PLBD1: variants seen among roughly 807,000 people sequenced by gnomAD.
The protein encoded by PLBD1 is lysosomal leucine aminopeptidase.
Under a neutral mutation model 63.0 loss-of-function variants are expected in PLBD1, and 60 were observed. That is an observed-to-expected ratio of 0.95 (90% CI 0.77 to 1.18). The LOEUF is 1.18. PLBD1 is among the 50% of genes most tolerant of loss of function. The probability of loss-of-function intolerance (pLI) is 0.00; values close to 1 mark genes in which losing one functional copy is unlikely to be tolerated. For synonymous variants in PLBD1, 262 were observed against 248.0 expected, an observed-to-expected ratio of 1.06 and a Z score of -0.53; for missense variants, 598 against 677.9, an observed-to-expected ratio of 0.88 and a Z score of 1.31.
Position 14,511,296 on chromosome 12 carries a change from CA to C in PLBD1, c.1149del (p.Tyr383Ter). Reference protein sequence around the residue: ...TLYIVEQIPTYVEYSEQTDVL... With the variant: ...TLYIVEQIPTXVEYSEQTDVL... ...ACATCAGTTTGTTCAGAATATTCTA[CA>C]TATGTAGGAATTTGCTCCACAATGT... On this transcript the variant is annotated frameshift_variant, in exon 8 of 11. Transcript: ENST00000240617. LOFTEE classifies it high-confidence loss of function. 6.2e-7 allele frequency: 1 copy of C among 1,605,700 alleles called. No individual in the cohort carries two copies. Among genetic ancestry groups the C allele is most frequent in the South Asian group, 1.1e-5 (1 of 89,312 alleles).
intron 6 of PLBD1, among the ~76,000 whole-genome samples, chr12:14,519,573 C>A (rs1267602202): frequency 6.7e-6 from 1 of 149,320 alleles, no homozygotes; most frequent in Non-Finnish European, 1.5e-5. Flanking sequence ...GAGCTGAGAT[C>A]GCACCACTGC....
At chr12:14,538,329 G>A (rs543426028) in intron 4 of PLBD1, among the ~76,000 whole-genome samples, 10 of 84,822 alleles carry the variant, frequency 1.2e-4, no homozygotes, top group African/African-American at 4.0e-4. Context: ...AAATAGCTGG[G>A]ATTACAGGTG....
At chr12:14,514,585 G>A (rs1055930034) in intron 6 of PLBD1, among the ~76,000 whole-genome samples, 4 of 152,202 alleles carry the variant, frequency 2.6e-5, no homozygotes, top group Non-Finnish European at 2.9e-5. Context: ...AGCAAGGAGA[G>A]TGAACTGGCC....
At chr12:14,510,039 C>A (rs936986887) in intron 8 of PLBD1, among the ~76,000 whole-genome samples, 3 of 152,142 alleles carry the variant, frequency 2.0e-5, no homozygotes, top group African/African-American at 7.2e-5. Flanking sequence ...ACATTACAGT[C>A]TCTTTGGGAA....
chr12:14,526,117 T>G (rs1002323158), intron 6 of PLBD1, among the ~76,000 whole-genome samples: 2 of 152,086 alleles, frequency 1.3e-5, no homozygotes, highest in Admixed American at 1.3e-4. Context: ...ATGAACTAAA[T>G]AGTGAAATGG....
chr12:14,565,627 C>T (rs1482669644), intron 1 of PLBD1, among the ~76,000 whole-genome samples: 1 of 152,130 alleles, frequency 6.6e-6, no homozygotes, highest in Non-Finnish European at 1.5e-5. Context: ...GAGCTGGGTA[C>T]TTCAGAGAAC....
intron 2 of PLBD1, among the ~76,000 whole-genome samples, chr12:14,546,402 C>G (rs947547873): frequency 1.3e-5 from 2 of 151,950 alleles, no homozygotes; most frequent in African/African-American, 4.8e-5. Context: ...GGGCTCTTCA[C>G]TTACAATGCT....
chr12:14,563,472 C>G (rs1427493420), intron 1 of PLBD1, among the ~76,000 whole-genome samples: 2 of 152,044 alleles, frequency 1.3e-5, no homozygotes, highest in Admixed American at 6.6e-5. Context: ...GAGCCAAGAT[C>G]GCGCCTTTGC....
intron 1 of PLBD1, among the ~76,000 whole-genome samples, chr12:14,560,942 A>G (rs1363971748): frequency 1.3e-5 from 2 of 151,956 alleles, no homozygotes; most frequent in African/African-American, 4.8e-5. Context: ...CTGCTCCCAT[A>G]CTACAAAGGT....
Position 14,509,086 on chromosome 12 carries a change from CAGTAAAATGGCAACA to C in PLBD1, c.1187-1983_1187-1969del, listed in dbSNP as rs1945277125. Among the ~76,000 whole-genome samples the C allele has an allele frequency of 2.6e-5, 4 of 151,744 alleles. No individual in the cohort carries two copies. In the South Asian group the frequency reaches 8.4e-4, roughly 32 times the overall value. On this transcript the variant is annotated intron_variant, in intron 8 of 10. Coordinates refer to ENST00000240617, the MANE Select transcript of PLBD1 (RefSeq NM_024829.6). The stretch of plus-strand genomic sequence containing the variant: ...TTCTTTCTGAGCTTTTCTTTACTCA[CAGTAAAATGGCAACA>C]ATAACACTTATGGGGTAGTATGTTA...
chr12:14,551,101 A>C (rs1166815358), intron 2 of PLBD1, among the ~76,000 whole-genome samples: 1 of 151,974 alleles, frequency 6.6e-6, no homozygotes, highest in African/African-American at 2.4e-5. Context: ...GTGGTGGTTC[A>C]TGCCTGTAAT....
intron 6 of PLBD1, among the ~76,000 whole-genome samples, chr12:14,518,880 A>C (rs1945354809): frequency 6.6e-6 from 1 of 152,068 alleles, no homozygotes; most frequent in Non-Finnish European, 1.5e-5. Flanking sequence ...TTCTAAAAGG[A>C]GCTCTTGTGC....
intron 6 of PLBD1, among the ~76,000 whole-genome samples, chr12:14,519,969 CAAG>C (rs2136910525): frequency 6.6e-6 from 1 of 152,268 alleles, no homozygotes; most frequent in African/African-American, 2.4e-5. Flanking sequence ...AAGAGAACCA[CAAG>C]AAGAGCAGAG....
intron 4 of PLBD1, among the ~76,000 whole-genome samples, chr12:14,538,861 A>G (rs1237808917): frequency 6.6e-6 from 1 of 152,048 alleles, no homozygotes; most frequent in Non-Finnish European, 1.5e-5. Context: ...CCCCATCTCT[A>G]TTAAAAATAC....
chr12:14,548,581 A>T (rs1945634162), intron 2 of PLBD1, among the ~76,000 whole-genome samples: 1 of 152,032 alleles, frequency 6.6e-6, no homozygotes, highest in Non-Finnish European at 1.5e-5. Context: ...CACCAAATGG[A>T]GCAAAAGAGG....
In PLBD1 at chr12:14,503,937, T is replaced by C. The variant is rs780629684; in HGVS notation, c.1497A>G (p.Leu499=). The C allele has an allele frequency of 1.2e-6, 2 of 1,601,810 alleles. No homozygotes were observed. The highest frequency in any genetic ancestry group is 1.7e-6 in the Non-Finnish European group (2 of 1,173,538). Residue 499 remains leucine, a synonymous_variant, in exon 11 of 11, where the codon CTA becomes CTG. Coordinates refer to ENST00000240617, the MANE Select transcript of PLBD1 (RefSeq NM_024829.6). ...TGGCATAGGATGTGTACTGAGATGC[T>C]AGGTAGATATCTGCCACCTGGAAAG... The part of the protein sequence containing the change: ...CYDTKVADIY[L]ASQYTSYAIS...
chr12:14,527,115 T>C (rs1330443800), intron 6 of PLBD1, among the ~76,000 whole-genome samples: 1 of 152,228 alleles, frequency 6.6e-6, no homozygotes, highest in African/African-American at 2.4e-5. Flanking sequence ...TGGTATGAAC[T>C]ACTACCGTAT....
At chr12:14,562,896 T>C (rs929860220) in intron 1 of PLBD1, among the ~76,000 whole-genome samples, 2 of 152,230 alleles carry the variant, frequency 1.3e-5, no homozygotes, top group African/African-American at 4.8e-5. Context: ...GTAAAATTCA[T>C]GTCTAAAGAA....
chr12:14,527,912 A>T (rs1945429182), intron 6 of PLBD1, among the ~76,000 whole-genome samples: 1 of 152,094 alleles, frequency 6.6e-6, no homozygotes, highest in Non-Finnish European at 1.5e-5. Context: ...GACAATGTAG[A>T]CATTAAGGCA....
Sources: gnomAD v4.1 joint callset for allele counts (sites outside exome capture counted in the v4.1 genomes callset) on GRCh38, gnomAD v4.1.1 for gene constraint, MANE v1.5 for transcripts, NCBI Gene and HGNC (gene_info 2026-07-23, HGNC 2026-07-21) for gene names.